Variants in RUNX1 observed in about 807,000 individuals in gnomAD.
RUNX1 encodes the protein runt-related transcription factor 1.
Under a neutral mutation model 42.8 loss-of-function variants are expected in RUNX1, and 19 were observed. That is an observed-to-expected ratio of 0.44 (90% CI 0.31 to 0.65). The LOEUF (loss-of-function observed/expected upper bound fraction) is 0.65. Among genes scored for constraint, RUNX1 ranks in the 30% least tolerant of loss-of-function variants. The pLI, the probability that RUNX1 is intolerant of heterozygous loss-of-function variation, is 0.07. For missense variants in RUNX1, 528 were observed against 672.0 expected (o/e 0.79, Z 2.37); for synonymous variants, 271 against 289.4 (o/e 0.94, Z 0.64).
chr21:34,820,991 C>T (rs2056899810), intron 7 of RUNX1, among the ~76,000 whole-genome samples: 1 of 152,300 alleles, frequency 6.6e-6, no homozygotes, highest in South Asian at 2.1e-4. Flanking sequence ...AAATATAGGG[C>T]TTTGAGCAAA....
At chr21:34,946,069 C>A (rs1032415411) in intron 2 of RUNX1, among the ~76,000 whole-genome samples, 1 of 152,206 alleles carries the variant, frequency 6.6e-6, no homozygotes, top group African/African-American at 2.4e-5. Context: ...TCTACCTTCA[C>A]TATAACAAGT....
At chr21:34,957,985 C>A (rs2058656861) in intron 2 of RUNX1, among the ~76,000 whole-genome samples, 1 of 152,160 alleles carries the variant, frequency 6.6e-6, no homozygotes. Context: ...ACAAGTCTCC[C>A]AACAAATGCA....
At chr21:34,991,778 C>T (rs1157194054) in intron 2 of RUNX1, among the ~76,000 whole-genome samples, 2 of 152,222 alleles carry the variant, frequency 1.3e-5, no homozygotes, top group African/African-American at 4.8e-5. Flanking sequence ...TTGGATATAG[C>T]GTTTTTGAAG....
intron 2 of RUNX1, among the ~76,000 whole-genome samples, chr21:35,016,877 C>T (rs1223084787): frequency 1.5e-5 from 2 of 132,788 alleles, no homozygotes; most frequent in African/African-American, 2.7e-5. Context: ...GCAGTGTGTG[C>T]ACATTGTGTG....
In RUNX1 at chr21:35,043,059, AGT is replaced by A. The variant is rs543201290; in HGVS notation, c.58+5781_58+5782del. Reference sequence around the variant, plus strand: ...GAGTGAAGCCTGCGCAAGTGAGAGCAGTGTGTCTGAGCTTATCCTCCCAGCAT... The same window carrying A: ...GAGTGAAGCCTGCGCAAGTGAGAGCAGTGTCTGAGCTTATCCTCCCAGCAT... On this transcript the variant is annotated intron_variant, in intron 2 of 8. Coordinates refer to ENST00000675419, the MANE Select transcript of RUNX1 (RefSeq NM_001754.5). Among the ~76,000 whole-genome samples the A allele has an allele frequency of 2.7e-3, 405 of 152,268 alleles. 1 individual carries two copies. Among genetic ancestry groups the A allele is most frequent in the Admixed American group, 7.5e-3 (115 of 15,298 alleles).
intron 2 of RUNX1, among the ~76,000 whole-genome samples, chr21:34,906,967 C>T (rs775757082): frequency 8.5e-5 from 13 of 152,190 alleles, no homozygotes; most frequent in South Asian, 2.1e-4. Flanking sequence ...TAGAGAGTCA[C>T]GTGCCCTTTT....
intron 2 of RUNX1, among the ~76,000 whole-genome samples, chr21:34,917,664 A>G (rs1336693592): frequency 6.6e-6 from 1 of 152,096 alleles, no homozygotes; most frequent in Non-Finnish European, 1.5e-5. Flanking sequence ...CACATAAAGA[A>G]AGCAAGCGAG....
chr21:34,914,958 G>A (rs953375715), intron 2 of RUNX1, among the ~76,000 whole-genome samples: 1 of 152,220 alleles, frequency 6.6e-6, no homozygotes, highest in Non-Finnish European at 1.5e-5. Flanking sequence ...CTGATGCACA[G>A]TGAGCTGAGG....
At chr21:34,807,476 C>T (rs889750374) in intron 7 of RUNX1, among the ~76,000 whole-genome samples, 1 of 152,194 alleles carries the variant, frequency 6.6e-6, no homozygotes, top group Non-Finnish European at 1.5e-5. Context: ...ACATAGACCA[C>T]AGGGTTCTAC....
intron 7 of RUNX1, among the ~76,000 whole-genome samples, chr21:34,807,228 G>A (rs182803135): frequency 3.4e-4 from 51 of 152,218 alleles, no homozygotes; most frequent in Middle Eastern, 3.4e-3. Context: ...CCCCACAGGC[G>A]CTGGGAGAAG....
chr21:34,985,820 T>C (rs2146807778), intron 2 of RUNX1, among the ~76,000 whole-genome samples: 1 of 151,006 alleles, frequency 6.6e-6, no homozygotes, highest in South Asian at 2.1e-4. Context: ...GTGTAACAAA[T>C]GGTTTTAGAG....
rs5843687 is a variant in RUNX1 at position 34,846,194 on chromosome 21, C to CTTTTTTTTT, written c.614-11602_614-11594dup. 2.2e-3 allele frequency among the ~76,000 whole-genome samples: 225 copies of CTTTTTTTTT among 102,244 alleles called. 1 individual carries two copies. Among genetic ancestry groups the CTTTTTTTTT allele is most frequent in the African/African-American group, 7.1e-3 (203 of 28,430 alleles). The allele number at this position is 102,244 out of a possible 152,430, so 67.1% of individuals were successfully genotyped here. A position where few individuals can be genotyped will look rare whatever the true frequency, so the allele number is the denominator to read the frequency against. On this transcript the variant is annotated intron_variant, in intron 6 of 8. Transcript: ENST00000675419. ...GAGTACTTTGTGGGTTTAAGGATGT[C>CTTTTTTTTT]TTTTTTTTTTTTTTTTTTTTTCAAA...
chr21:34,889,594 G>A (rs2058052373), intron 3 of RUNX1: 1 of 936,220 alleles, frequency 1.1e-6, no homozygotes, highest in South Asian at 3.0e-5. Context: ...CGGGCCCCGC[G>A]TCTCCCCTCC....
chr21:34,889,577 G>A, intron 3 of RUNX1: 1 of 802,636 alleles, frequency 1.2e-6, no homozygotes, highest in South Asian at 3.5e-5. Context: ...CAGCCGGACA[G>A]CCTGCCCGGG....
rs185030693 is a variant in RUNX1, at chr21:34,790,704, G to A, written c.*1431C>T. 2.1e-4 allele frequency: 48 copies of A among 233,300 alleles called. No homozygotes were observed. Among genetic ancestry groups the A allele is most frequent in the African/African-American group, 1.0e-3 (47 of 45,442 alleles). The allele number at this position is 233,300 out of a possible 1,614,324, so 14.5% of individuals were successfully genotyped here. On this transcript the variant is annotated 3_prime_UTR_variant, in exon 9 of 9. Coordinates refer to ENST00000675419, the MANE Select transcript of RUNX1 (RefSeq NM_001754.5). ...GTTGAGTGAGCAGCACAGGACAGGGGGTCTCGCACAGGTGGGACCATGTTT... is the reference window on the plus strand; with the variant it reads ...GTTGAGTGAGCAGCACAGGACAGGGAGTCTCGCACAGGTGGGACCATGTTT...
At chr21:34,985,244 T>C (rs936890087) in intron 2 of RUNX1, among the ~76,000 whole-genome samples, 1 of 152,226 alleles carries the variant, frequency 6.6e-6, no homozygotes, top group Non-Finnish European at 1.5e-5. Context: ...TCATAGTTTC[T>C]TGCAATAGGG....
In RUNX1 at chr21:34,894,920, CACACACACAT is replaced by C. The variant is rs754957217; in HGVS notation, c.59-1967_59-1958del. ...ACACACACACACACACACACACACA[CACACACACAT>C]ATTCATATCTACATATAGGTCCACA... On this transcript the variant is annotated intron_variant, in intron 2 of 8. Coordinates refer to ENST00000675419, the MANE Select transcript of RUNX1 (RefSeq NM_001754.5). 5.9e-3 allele frequency among the ~76,000 whole-genome samples: 832 copies of C among 141,208 alleles called. 8 individuals carry two copies. The highest frequency in any genetic ancestry group is 0.021 in the African/African-American group (671 of 32,714). The allele number at this position is 141,208 out of a possible 152,430, so 92.6% of individuals were successfully genotyped here. A position where few individuals can be genotyped will look rare whatever the true frequency, so the allele number is the denominator to read the frequency against.
intron 2 of RUNX1, among the ~76,000 whole-genome samples, chr21:34,985,867 CTTT>C (rs33913281): frequency 0.024 from 1,779 of 75,480 alleles, 24 homozygotes; most frequent in African/African-American, 0.079. Flanking sequence ...TCTGACCAGA[CTTT>C]TTTTTTTTTT....
At chr21:34,801,604 T>C (rs2056608903) in intron 7 of RUNX1, among the ~76,000 whole-genome samples, 2 of 152,186 alleles carry the variant, frequency 1.3e-5, no homozygotes, top group South Asian at 4.1e-4. Flanking sequence ...GAGGGGAAGA[T>C]GGCAGTCAAC....
Sources: gnomAD v4.1 joint callset for allele counts (sites outside exome capture counted in the v4.1 genomes callset) on GRCh38, gnomAD v4.1.1 for gene constraint, MANE v1.5 for transcripts, NCBI Gene and HGNC (gene_info 2026-07-23, HGNC 2026-07-21) for gene names.